The following NPAS4 variants were observed in gnomAD, a reference collection of about 807,000 sequenced individuals.
NPAS4 encodes neuronal PAS domain-containing protein 4.
Under a neutral mutation model 64.0 loss-of-function variants are expected in NPAS4, and 10 were observed. The observed-to-expected ratio is 0.16, with a 90% CI of 0.10 to 0.26. NPAS4 has a LOEUF of 0.26. NPAS4 is among the 10% of genes least tolerant of loss of function. The pLI is 1.00. For synonymous variants in NPAS4, 441 were observed against 411.7 expected, an observed-to-expected ratio of 1.07 and a Z score of -0.86; for missense variants, 886 against 992.6, an observed-to-expected ratio of 0.89 and a Z score of 1.44.
At position 66,424,140 on chromosome 11, in the gene NPAS4, G is replaced by C. The variant is rs773645771; in HGVS notation, c.1250G>C (p.Ser417Thr). 5 of 1,614,036 alleles carry C rather than the reference G, an allele frequency of 3.1e-6. No homozygotes were observed. Among genetic ancestry groups the C allele is most frequent in the Non-Finnish European group, 4.2e-6 (5 of 1,180,008 alleles). Residue 417 changes from serine (S) to threonine (T), a missense_variant, in exon 7 of 8, where the codon AGC (serine) becomes ACC (threonine). By Grantham distance (58) the Ser-to-Thr change is moderately conservative. Coordinates refer to ENST00000311034, the MANE Select transcript of NPAS4 (RefSeq NM_178864.4). ...GAGCCTTCTCTCCAAGCAGAACTAA[G>C]CAAGGATCTTGTGTGCACTCCACCT... ...GPEPSLQAEL[S>T]KDLVCTPPYT...
chr11:66,424,351 C>A lies in NPAS4; in HGVS notation c.1461C>A (p.Gly487=). 1 of 1,614,122 alleles carries A rather than the reference C, an allele frequency of 6.2e-7. No homozygotes were observed. The highest frequency in any genetic ancestry group is 8.5e-7 in the Non-Finnish European group (1 of 1,180,010). Residue 487 remains glycine (G), a synonymous_variant, in exon 7 of 8, where the codon GGC becomes GGA. Coordinates refer to ENST00000311034, the MANE Select transcript of NPAS4 (RefSeq NM_178864.4). ...ATCCACTAACTAGCCCACTGCAAGG[C>A]CAGTTGACTGAAACCTCGGTCAGAA... ...FPDPLTSPLQ[G]QLTETSVRSY...
chr11:66,424,926 C>T lies in NPAS4; in HGVS notation c.2036C>T (p.Pro679Leu). The change falls in exon 7 of 8, where the codon CCC becomes CTC. Residue 679 changes from proline to leucine, a missense_variant. Pro to Leu is a moderately conservative substitution (Grantham distance 98). This residue lies in a region of NPAS4 where 820 missense variants were observed against 855.5 expected (regional missense o/e 0.96). Coordinates refer to ENST00000311034, the MANE Select transcript of NPAS4 (RefSeq NM_178864.4). ...DSNLSLSGAG[P>L]PVLSLDLKPW... ...AACCTGTCCCTGTCAGGGGCAGGCCCCCCTGTGCTCAGCCTGGACCTGAAA... is the reference window on the plus strand; with the variant it reads ...AACCTGTCCCTGTCAGGGGCAGGCCTCCCTGTGCTCAGCCTGGACCTGAAA... The T allele has an allele frequency of 1.2e-6, 2 of 1,614,062 alleles. No individual in the cohort carries two copies. The highest frequency in any genetic ancestry group is 1.1e-5 in the South Asian group (1 of 91,084).
chr11:66,414,954 G>A, the NPAS4 span, among the ~76,000 whole-genome samples: 1 of 152,208 alleles, frequency 6.6e-6, no homozygotes, highest in African/African-American at 2.4e-5. Context: ...ACCTCTCTGA[G>A]AAGGCATAGA....
chr11:66,425,914 G>A, intron 7 of NPAS4, 47 bp from the exon 8 acceptor site: 8 of 1,446,030 alleles, frequency 5.5e-6, no homozygotes, highest in Non-Finnish European at 7.8e-6. Flanking sequence ...GATCCTCTGT[G>A]CTAATTGGTC....
chr11:66,416,531 G>A (rs1267267050), upstream of NPAS4, among the ~76,000 whole-genome samples: 4 of 152,194 alleles, frequency 2.6e-5, no homozygotes, highest in Non-Finnish European at 4.4e-5. Flanking sequence ...GGGCTTCAGT[G>A]CTCCTCTGGA....
At chr11:66,410,126 C>T in the NPAS4 span, 1 of 152,330 alleles carries the variant, frequency 6.6e-6, no homozygotes, top group Admixed American at 6.5e-5. Context: ...CTGCCCGGTC[C>T]TATTGACCTC....
the NPAS4 span, among the ~76,000 whole-genome samples, chr11:66,413,228 G>C: frequency 6.6e-6 from 1 of 152,240 alleles, no homozygotes; most frequent in Non-Finnish European, 1.5e-5. Flanking sequence ...CGATATTTAG[G>C]CTGAACTAAC....
chr11:66,421,773 G>A (rs1334518163), intron 1 of NPAS4, among the ~76,000 whole-genome samples: 1 of 152,236 alleles, frequency 6.6e-6, no homozygotes, highest in African/African-American at 2.4e-5. Flanking sequence ...GGTGCTGACG[G>A]CTGCGCCGGC....
At chr11:66,411,364 G>A in the NPAS4 span, among the ~76,000 whole-genome samples, 1 of 152,176 alleles carries the variant, frequency 6.6e-6, no homozygotes, top group African/African-American at 2.4e-5. Flanking sequence ...GGCCCAGGGA[G>A]GGAGAGAGGT....
chr11:66,413,801 TG>T, the NPAS4 span, among the ~76,000 whole-genome samples: 1 of 152,162 alleles, frequency 6.6e-6, no homozygotes, highest in African/African-American at 2.4e-5. Flanking sequence ...CCCCTCCTTT[TG>T]CTCTCCCCAA....
chr11:66,425,973 G>T lies in NPAS4; in HGVS notation c.2393G>T (p.Gly798Val), dbSNP rs1369396556. ...TATCTCTCTGCAGATGGAAGTGGAGGGGAACCAACGTTTTGAATAAGTCTG... is the reference window on the plus strand; with the variant it reads ...TATCTCTCTGCAGATGGAAGTGGAGTGGAACCAACGTTTTGAATAAGTCTG... ...QDSFHEDGSG[G>V]EPTF Residue 798 changes from glycine (G) to valine (V), a missense_variant, in exon 8 of 8, where the codon GGG becomes GTG. This residue lies in a region of NPAS4 where 28 missense variants were observed against 57.0 expected (regional missense o/e 0.49). Transcript: ENST00000311034. 1 of 1,612,162 alleles carries T rather than the reference G, an allele frequency of 6.2e-7. No individual in the cohort carries two copies. Among genetic ancestry groups the T allele is most frequent in the East Asian group, 2.2e-5 (1 of 44,862 alleles).
chr11:66,425,063 G>A lies in NPAS4; in HGVS notation c.2173G>A (p.Glu725Lys), dbSNP rs1856818780. Residue 725 changes from glutamate (E) to lysine (K), a missense_variant, in exon 7 of 8, where the codon GAA becomes AAA. Transcript: ENST00000311034. ...MDLSTPDPSEEWGSGDPEAEG... is the reference protein window; with the variant it reads ...MDLSTPDPSEKWGSGDPEAEG... ...TCTCTCTACCCCAGATCCCAGTGAG[G>A]AATGGGGCTCAGGGGATCCTGAGGC... The A allele has an allele frequency of 1.9e-6, 3 of 1,609,418 alleles. No individual in the cohort carries two copies. Among genetic ancestry groups the A allele is most frequent in the Non-Finnish European group, 2.5e-6 (3 of 1,177,892 alleles).
intron 1 of NPAS4, among the ~76,000 whole-genome samples, chr11:66,421,844 T>A (rs896058140): frequency 6.6e-6 from 1 of 152,208 alleles, no homozygotes; most frequent in Non-Finnish European, 1.5e-5. Context: ...TGTCCGCGGT[T>A]CTGAAATTCA....
chr11:66,411,657 G>A, the NPAS4 span, among the ~76,000 whole-genome samples: 1 of 152,072 alleles, frequency 6.6e-6, no homozygotes, highest in East Asian at 1.9e-4. Flanking sequence ...GCCCTTCTTG[G>A]CTTCAGAAGC....
intron 1 of NPAS4, 107 bp from the exon 2 acceptor site, chr11:66,422,013 T>C (rs1013955071): frequency 5.0e-6 from 5 of 995,204 alleles, no homozygotes; most frequent in East Asian, 2.5e-5. Flanking sequence ...CAGAGGCAGG[T>C]CCATGAGAAA....
chr11:66,421,446 G>A, intron 1 of NPAS4, 92 bp downstream of exon 1: 1 of 1,186,360 alleles, frequency 8.4e-7, no homozygotes, highest in Non-Finnish European at 1.2e-6. Context: ...CATGTCTAGG[G>A]CAGCGTGCTG....
chr11:66,422,901 C>T lies in NPAS4; in HGVS notation c.658C>T (p.Arg220Cys). ...ASLFLAMFQS[R>C]HAKDLALLDI... ...GCTCTTCCTGGCCATGTTCCAGAGC[C>T]GCCATGCTAAAGACCTGGCTCTACT... Residue 220 changes from arginine to cysteine, a missense_variant, in exon 4 of 8, where the codon CGC becomes TGC. Coordinates refer to ENST00000311034, the MANE Select transcript of NPAS4 (RefSeq NM_178864.4). 1 of 1,608,916 alleles carries T rather than the reference C, an allele frequency of 6.2e-7. No homozygotes were observed. Among genetic ancestry groups the T allele is most frequent in the African/African-American group, 1.3e-5 (1 of 75,044 alleles).
In NPAS4 at chr11:66,423,987, C is replaced by T. The variant is rs937226889; in HGVS notation, c.1097C>T (p.Ala366Val). ...AGCACTAACCCACTCTTCACCGCAGCACTGGGGGCTCCCAGAAGCACCAGC... is the reference window on the plus strand; with the variant it reads ...AGCACTAACCCACTCTTCACCGCAGTACTGGGGGCTCCCAGAAGCACCAGC... Reference protein sequence around the residue: ...CSSTNPLFTAALGAPRSTSFP... With the variant: ...CSSTNPLFTAVLGAPRSTSFP... Residue 366 changes from alanine to valine, a missense_variant, in exon 7 of 8, where the codon GCA becomes GTA. Ala to Val is a moderately conservative substitution (Grantham distance 64). Coordinates refer to ENST00000311034, the MANE Select transcript of NPAS4 (RefSeq NM_178864.4). 1.2e-6 allele frequency: 2 copies of T among 1,614,042 alleles called. No homozygotes were observed. The highest frequency in any genetic ancestry group is 2.7e-5 in the African/African-American group (2 of 74,902).
the NPAS4 span, among the ~76,000 whole-genome samples, chr11:66,414,735 C>T: frequency 4.6e-5 from 7 of 152,278 alleles, no homozygotes; most frequent in Non-Finnish European, 7.4e-5. Flanking sequence ...GCCAGCTCTG[C>T]GTGGGTTTCC....
Sources: gnomAD v4.1 joint callset for allele counts (sites outside exome capture counted in the v4.1 genomes callset) on GRCh38, gnomAD v4.1.1 for gene constraint, gnomAD v4.1.1 regional missense constraint, MANE v1.5 for transcripts, NCBI Gene and HGNC (gene_info 2026-07-23, HGNC 2026-07-21) for gene names.